The following SLC22A25 variants were observed in gnomAD, a reference collection of about 807,000 sequenced individuals.
SLC22A25 encodes solute carrier family 22 member 25, also known as MGI:2442751, MGI:2385316, MGI:3042283, MGI:3645714, MGI:3605624, MGI:2442750.
Under a neutral mutation model 45.9 loss-of-function variants are expected in SLC22A25, and 44 were observed. The ratio of observed to expected loss-of-function variants is 0.96; its 90% confidence interval spans 0.75 to 1.23. The LOEUF is 1.23. Ranked by LOEUF, SLC22A25 falls within the 50% of genes most tolerant of loss-of-function variation. The pLI is 0.00. For synonymous variants in SLC22A25, 283 were observed against 238.6 expected, an observed-to-expected ratio of 1.19 and a Z score of -1.72; for missense variants, 800 against 666.4, an observed-to-expected ratio of 1.20 and a Z score of -2.21.
chr11:63,185,885 A>G (rs2088520408), intron 7 of SLC22A25, among the ~76,000 whole-genome samples: 1 of 149,312 alleles, frequency 6.7e-6, no homozygotes, highest in Non-Finnish European at 1.5e-5. Context: ...ATCATTTTTT[A>G]TGGCTGCATA....
rs2087531098 is a variant in SLC22A25 at position 63,161,308 on chromosome 11, A to G, written c.*2516T>C. Among the ~76,000 whole-genome samples the G allele has an allele frequency of 6.6e-6, 1 of 152,134 alleles. No individual in the cohort carries two copies. The highest frequency in any genetic ancestry group is 2.4e-5 in the African/African-American group (1 of 41,416). On this transcript the variant is annotated 3_prime_UTR_variant, in exon 12 of 12. Coordinates refer to ENST00000306494, the MANE Select transcript of SLC22A25 (RefSeq NM_199352.6). ...TGCCTTGTCTCAGATGAGACTTTGG[A>G]CTGTAGACTTTTGAGTTAATGCTGA...
chr11:63,216,351 A>G (rs2089710234), intron 7 of SLC22A25, among the ~76,000 whole-genome samples: 1 of 152,238 alleles, frequency 6.6e-6, no homozygotes, highest in Admixed American at 6.5e-5. Context: ...ATACCTTTCA[A>G]CCCAGTAGTC....
chr11:63,218,420 T>C (rs189782609), intron 5 of SLC22A25, among the ~76,000 whole-genome samples: 88 of 152,278 alleles, frequency 5.8e-4, no homozygotes, highest in Non-Finnish European at 1.2e-3. Flanking sequence ...ACCTGGGTGA[T>C]GGGTTCATTC....
intron 9 of SLC22A25, among the ~76,000 whole-genome samples, chr11:63,169,492 GA>G (rs1262513575): frequency 4.0e-5 from 6 of 151,254 alleles, no homozygotes; most frequent in South Asian, 4.2e-4. Flanking sequence ...CAAAGAGAAA[GA>G]AAAAAAAGCA....
intron 10 of SLC22A25, among the ~76,000 whole-genome samples, chr11:63,165,230 T>C (rs1009584497): frequency 5.9e-5 from 9 of 152,200 alleles, no homozygotes; most frequent in Non-Finnish European, 1.3e-4. Context: ...GGCAGGATTC[T>C]ATCCAATTAA....
chr11:63,164,588 A>G lies in SLC22A25; in HGVS notation c.1332T>C (p.Ala444=), dbSNP rs2087615251. ...TAGAACAGGTAATGCCAAGAGAAGC[A>G]GCTCCCACACCCAGGGTTGCCAAAA... is the stretch of plus-strand genomic sequence containing the variant. ...RVVLATLGVG[A]ASLGITCSTA... Residue 444 remains alanine (A), a synonymous_variant, in exon 11 of 12, where the codon GCT becomes GCC. Transcript: ENST00000306494. The G allele has an allele frequency of 6.2e-7, 1 of 1,613,780 alleles. No individual in the cohort carries two copies. The highest frequency in any genetic ancestry group is 1.3e-5 in the African/African-American group (1 of 74,922).
chr11:63,218,371 A>G (rs928908392), intron 5 of SLC22A25: 1 of 229,330 alleles, frequency 4.4e-6, no homozygotes, highest in Non-Finnish European at 8.6e-6. Flanking sequence ...GGGAGGGGAA[A>G]AGGGTTTGAG....
chr11:63,189,152 G>T (rs542661788), intron 7 of SLC22A25, among the ~76,000 whole-genome samples: 4 of 152,248 alleles, frequency 2.6e-5, no homozygotes, highest in African/African-American at 9.6e-5. Context: ...GGGTGTTAAA[G>T]TCTCCCATTA....
intron 9 of SLC22A25, chr11:63,166,469 A>AGAT (rs2087688973): frequency 1.4e-6 from 2 of 1,394,968 alleles, no homozygotes; most frequent in South Asian, 3.3e-5. Flanking sequence ...GAGGGACAAC[A>AGAT]GATGTTGTAT....
intron 7 of SLC22A25, among the ~76,000 whole-genome samples, chr11:63,206,359 G>C (rs1011809786): frequency 1.3e-5 from 2 of 152,216 alleles, no homozygotes; most frequent in Admixed American, 6.5e-5. Context: ...TCTGTTTCCA[G>C]ACAGTATGAT....
chr11:63,229,159 A>C lies in SLC22A25; in HGVS notation c.402+92T>G, dbSNP rs528486328. ...CTGAAAGAATGAAGAATAAGCACCT[A>C]CATGTGACTAAAGGCTGGAAGCACA... On this transcript the variant is annotated intron_variant, in intron 4 of 11. Transcript: ENST00000306494. 18 of 1,319,168 alleles carry C rather than the reference A, an allele frequency of 1.4e-5. No homozygotes were observed. In the South Asian group the frequency reaches 3.2e-4, roughly 24 times the overall value. 81.7% of individuals were successfully genotyped at this position (1,319,168 alleles called of 1,614,324 possible). A position where few individuals can be genotyped will look rare whatever the true frequency, so the allele number is the denominator to read the frequency against.
chr11:63,197,368 A>G (rs957794813), intron 7 of SLC22A25, among the ~76,000 whole-genome samples: 8 of 152,238 alleles, frequency 5.3e-5, no homozygotes, highest in Non-Finnish European at 1.2e-4. Context: ...CTACAAGGCT[A>G]CAGTCACCAA....
intron 7 of SLC22A25, among the ~76,000 whole-genome samples, chr11:63,185,694 T>G (rs1351976272): frequency 1.8e-5 from 1 of 55,686 alleles, no homozygotes; most frequent in Admixed American, 2.6e-4. Flanking sequence ...CCCTCCCCCC[T>G]CCCCCCACCC....
chr11:63,235,460 G>T (rs1270020983), intron 3 of SLC22A25, among the ~76,000 whole-genome samples: 1 of 152,104 alleles, frequency 6.6e-6, no homozygotes, highest in Non-Finnish European at 1.5e-5. Flanking sequence ...TTGTGCATTT[G>T]TCACGTAGTT....
rs569210956 is a variant in SLC22A25, at chr11:63,199,274, C to T, written c.831-15457G>A. On this transcript the variant is annotated intron_variant, in intron 7 of 11. Coordinates refer to ENST00000306494, the MANE Select transcript of SLC22A25 (RefSeq NM_199352.6). ...CAACAATCAGAGAATATTATGAACA[C>T]CTCTATGCACATAAACTAGAAAATC... 2.6e-5 allele frequency among the ~76,000 whole-genome samples: 4 copies of T among 152,182 alleles called. No individual in the cohort carries two copies. In the East Asian group the frequency reaches 5.8e-4, roughly 22 times the overall value.
intron 3 of SLC22A25, among the ~76,000 whole-genome samples, chr11:63,233,652 C>T (rs1030223116): frequency 6.6e-6 from 1 of 151,998 alleles, no homozygotes; most frequent in Non-Finnish European, 1.5e-5. Flanking sequence ...CTGCTCTGAT[C>T]TTAGTTATTT....
chr11:63,201,005 A>T (rs1005160832), intron 7 of SLC22A25, among the ~76,000 whole-genome samples: 1 of 152,232 alleles, frequency 6.6e-6, no homozygotes, highest in Non-Finnish European at 1.5e-5. Context: ...AAGAAATCAG[A>T]GATGATACAA....
chr11:63,208,926 C>T (rs1191778512), intron 7 of SLC22A25, among the ~76,000 whole-genome samples: 1 of 152,030 alleles, frequency 6.6e-6, no homozygotes, highest in Non-Finnish European at 1.5e-5. Context: ...GAAAGTGTGC[C>T]ACAAGGGAGG....
intron 9 of SLC22A25, among the ~76,000 whole-genome samples, chr11:63,173,566 C>A (rs534758669): frequency 6.6e-6 from 1 of 152,256 alleles, no homozygotes; most frequent in South Asian, 2.1e-4. Context: ...ATGCCACTCC[C>A]AAATGGCCAG....
Sources: allele counts gnomAD v4.1 joint callset (sites outside exome capture counted in the v4.1 genomes callset), GRCh38; gene constraint gnomAD v4.1.1; transcripts MANE v1.5; gene names NCBI Gene and HGNC (gene_info 2026-07-23, HGNC 2026-07-21).